ARHGEF10: variants seen among roughly 807,000 people sequenced by gnomAD.
The protein encoded by ARHGEF10 is Rho guanine nucleotide exchange factor (GEF) 10.
In ARHGEF10, 140 loss-of-function variants were observed where a neutral mutation model predicts 147.4. That is an observed-to-expected ratio of 0.95 (90% confidence interval 0.83 to 1.09). The LOEUF (loss-of-function observed/expected upper bound fraction) is 1.09. Ranked by LOEUF, ARHGEF10 falls within the 50% of genes least tolerant of loss-of-function variation. ARHGEF10 has a pLI of 0.00. For missense variants in ARHGEF10, 2,222 were observed against 1,752.7 expected (o/e 1.27, Z -4.78); for synonymous variants, 902 against 695.8 (o/e 1.30, Z -4.67).
intron 14 of ARHGEF10, among the ~76,000 whole-genome samples, chr8:1,897,346 C>T (rs1209457356): frequency 1.3e-5 from 2 of 152,146 alleles, no homozygotes; most frequent in African/African-American, 2.4e-5. Flanking sequence ...GATCGCAGTT[C>T]CCACTCTGGA....
In ARHGEF10 at chr8:1,937,104, C is replaced by T. The variant is rs924823699; in HGVS notation, c.3222+3162C>T. Among the ~76,000 whole-genome samples the T allele has an allele frequency of 2.6e-5, 4 of 152,196 alleles. No homozygotes were observed. The highest frequency in any genetic ancestry group is 2.6e-4 in the Admixed American group (4 of 15,284). On this transcript the variant is annotated intron_variant, in intron 26 of 28. Coordinates refer to ENST00000349830, the MANE Select transcript of ARHGEF10 (RefSeq NM_014629.4). This position sits in a 1 kb window ranked among gnomAD's most constrained non-coding sequence, Gnocchi z 4.9. ...GTCCTTCGAGACCTGGTCTGCTAGA[C>T]AGGAACAGAAAATAGCTGGACAGGG...
At chr8:1,920,422 G>T (rs925538953) in intron 18 of ARHGEF10, among the ~76,000 whole-genome samples, 3 of 151,212 alleles carry the variant, frequency 2.0e-5, no homozygotes, top group Non-Finnish European at 3.0e-5. Context: ...TCCTTGGCTC[G>T]AGCGATCTTC....
Position 1,847,528 on chromosome 8 carries a change from T to G in ARHGEF10, c.37+4092T>G, listed in dbSNP as rs2129055658. 3.9e-5 allele frequency among the ~76,000 whole-genome samples: 6 copies of G among 152,184 alleles called. No homozygotes were observed. In the South Asian group the frequency reaches 1.2e-3, roughly 32 times the overall value. Reference sequence around the variant, plus strand: ...ATCATTTACCAAATACCTGGTAACTTCCATAATGAGCTCAGACAGACGCCA... The same window carrying G: ...ATCATTTACCAAATACCTGGTAACTGCCATAATGAGCTCAGACAGACGCCA... On this transcript the variant is annotated intron_variant, in intron 2 of 28. Coordinates refer to ENST00000349830, the MANE Select transcript of ARHGEF10 (RefSeq NM_014629.4).
intron 7 of ARHGEF10, among the ~76,000 whole-genome samples, chr8:1,871,438 T>C (rs1019243379): frequency 6.6e-6 from 1 of 152,082 alleles, no homozygotes. Context: ...GAAATGAAAA[T>C]ATTTTGTCTT....
chr8:1,833,291 AGCAGAGACAGAG>A (rs1803362111), intron 1 of ARHGEF10, among the ~76,000 whole-genome samples: 2 of 112,616 alleles, frequency 1.8e-5, no homozygotes, highest in South Asian at 3.2e-4. Context: ...TAGAGACAGA[AGCAGAGACAGAG>A]GCAGAGACAG....
rs1230203257 is a variant in ARHGEF10, at chr8:1,928,514, G to C, written c.2785G>C (p.Glu929Gln). Residue 929 changes from glutamate (E) to glutamine (Q), a missense_variant, in exon 24 of 29, where the codon GAA (glutamate) becomes CAA (glutamine). Coordinates refer to ENST00000349830, the MANE Select transcript of ARHGEF10 (RefSeq NM_014629.4). ...CAAAGTCATTGAGTGCTTCAACGTGGAATCTCGCATCCTGTGCATGCTGTA... is the reference window on the plus strand; with the variant it reads ...CAAAGTCATTGAGTGCTTCAACGTGCAATCTCGCATCCTGTGCATGCTGTA... ...TPKVIECFNVESRILCMLYVP... is the reference protein window; with the variant it reads ...TPKVIECFNVQSRILCMLYVP... 6.2e-7 allele frequency: 1 copy of C among 1,614,202 alleles called. No homozygotes were observed. The highest frequency in any genetic ancestry group is 1.1e-5 in the South Asian group (1 of 91,088).
At chr8:1,836,957 A>T (rs912899424) in intron 1 of ARHGEF10, among the ~76,000 whole-genome samples, 1 of 152,184 alleles carries the variant, frequency 6.6e-6, no homozygotes, top group Non-Finnish European at 1.5e-5. Flanking sequence ...CACCTCCCAC[A>T]ATGATTCTGA....
At chr8:1,918,979 G>T (rs1811977912) in intron 18 of ARHGEF10, among the ~76,000 whole-genome samples, 1 of 151,060 alleles carries the variant, frequency 6.6e-6, no homozygotes, top group African/African-American at 2.4e-5. Context: ...GAGCTGTTCT[G>T]TGGGTGATGG....
In ARHGEF10 at chr8:1,957,444, G is replaced by A. The variant is rs1815673984; in HGVS notation, c.*181G>A. 2 of 858,744 alleles carry A rather than the reference G, an allele frequency of 2.3e-6. No homozygotes were observed. The highest frequency in any genetic ancestry group is 3.5e-6 in the Non-Finnish European group (2 of 568,888). The allele number at this position is 858,744 out of a possible 1,614,324, so 53.2% of individuals were successfully genotyped here. On this transcript the variant is annotated 3_prime_UTR_variant, in exon 29 of 29. Transcript: ENST00000349830. The stretch of plus-strand genomic sequence containing the variant: ...CCTGCCAATTCCTTCCTTCTCTTCT[G>A]TACAGCAGAAGTAATTACAAGCACT...
chr8:1,955,847 G>T (rs561100425), intron 28 of ARHGEF10, among the ~76,000 whole-genome samples: 5 of 152,262 alleles, frequency 3.3e-5, no homozygotes, highest in African/African-American at 9.6e-5. Context: ...GGTGTGCAGG[G>T]ATCACAGGTG....
chr8:1,850,883 C>G (rs1040637300), intron 2 of ARHGEF10, among the ~76,000 whole-genome samples: 1 of 151,852 alleles, frequency 6.6e-6, no homozygotes, highest in Non-Finnish European at 1.5e-5. Flanking sequence ...AATGAGCTGC[C>G]AAGCCGTGAA....
At chr8:1,874,328 G>T (rs1807456210) in intron 7 of ARHGEF10, among the ~76,000 whole-genome samples, 1 of 152,186 alleles carries the variant, frequency 6.6e-6, no homozygotes, top group African/African-American at 2.4e-5. Context: ...CTGATCCTGT[G>T]GCTGGGTCCC....
In ARHGEF10 at chr8:1,850,148, G is replaced by GCTA. The variant is rs1289805931; in HGVS notation, c.37+6712_37+6713insCTA. Reference sequence around the variant, plus strand: ...GAGGGCAAATGCTGAGGAGGGTGTGGGGCGGCCACGTGGACACAGAGGGCA... The same window carrying GCTA: ...GAGGGCAAATGCTGAGGAGGGTGTGGCTAGGCGGCCACGTGGACACAGAGGGCA... On this transcript the variant is annotated intron_variant, in intron 2 of 28. Coordinates refer to ENST00000349830, the MANE Select transcript of ARHGEF10 (RefSeq NM_014629.4). Among the ~76,000 whole-genome samples, 366 of 134,996 alleles carry GCTA rather than the reference G, an allele frequency of 2.7e-3. 39 individuals are homozygous for GCTA. The highest frequency in any genetic ancestry group is 4.0e-3 in the East Asian group (19 of 4,714). The allele number at this position is 134,996 out of a possible 152,430, so 88.6% of individuals were successfully genotyped here.
chr8:1,946,602 C>A (rs545532021), intron 27 of ARHGEF10, among the ~76,000 whole-genome samples: 11 of 152,340 alleles, frequency 7.2e-5, no homozygotes, highest in Admixed American at 5.9e-4. Flanking sequence ...ACTCATCTAA[C>A]CCTAATCACG....
chr8:1,888,189 T>TTTGCGAGGAGACACTTAGTGGGGCGAGGG (rs1808913626), intron 11 of ARHGEF10, among the ~76,000 whole-genome samples: 2 of 32,034 alleles, frequency 6.2e-5, no homozygotes, highest in African/African-American at 4.9e-4. Flanking sequence ...GGGGTGAGGG[T>TTTGCGAGGAGACACTTAGTGGGGCGAGGG]TTGCGAGGAG....
chr8:1,942,934 AGGG>A (rs895485156), intron 26 of ARHGEF10, among the ~76,000 whole-genome samples: 1 of 152,190 alleles, frequency 6.6e-6, no homozygotes, highest in African/African-American at 2.4e-5. Flanking sequence ...GGGCTGGGGA[AGGG>A]GGCATAAGGG....
intron 2 of ARHGEF10, among the ~76,000 whole-genome samples, chr8:1,855,122 G>A (rs997507524): frequency 1.3e-5 from 2 of 152,126 alleles, no homozygotes; most frequent in Non-Finnish European, 1.5e-5. Context: ...TGTGGGTTCC[G>A]GTCCCAACAG....
chr8:1,935,666 G>C (rs1421419395), intron 26 of ARHGEF10, among the ~76,000 whole-genome samples: 1 of 152,198 alleles, frequency 6.6e-6, no homozygotes, highest in Non-Finnish European at 1.5e-5. Context: ...GCACCCTAGA[G>C]AAATCCTCTC....
chr8:1,881,245 G>A (rs1251968412), intron 9 of ARHGEF10, among the ~76,000 whole-genome samples: 2 of 152,262 alleles, frequency 1.3e-5, no homozygotes, highest in African/African-American at 2.4e-5. Flanking sequence ...AGTCCTGGCC[G>A]AGGCTGTGAC....
Sources: gnomAD v4.1 joint callset for allele counts (sites outside exome capture counted in the v4.1 genomes callset) on GRCh38, gnomAD v4.1.1 for gene constraint, Gnocchi (gnomAD v3.1) non-coding constraint, MANE v1.5 for transcripts, NCBI Gene and HGNC (gene_info 2026-07-23, HGNC 2026-07-21) for gene names.